DPYSL2: variants seen among roughly 807,000 people sequenced by gnomAD.
The protein encoded by DPYSL2 is dihydropyrimidinase-related protein 2.
Under a neutral mutation model 69.9 loss-of-function variants are expected in DPYSL2, and 13 were observed. The observed-to-expected ratio is 0.19, with a 90% confidence interval of 0.12 to 0.30. The LOEUF (loss-of-function observed/expected upper bound fraction) is 0.30, where lower values mean the gene tolerates loss of function less well. Ranked by LOEUF, DPYSL2 falls within the 10% of genes least tolerant of loss-of-function variation. DPYSL2 has a pLI of 1.00. For synonymous variants in DPYSL2, 326 were observed against 359.1 expected (o/e 0.91, Z 1.04); for missense variants, 587 against 918.9 (o/e 0.64, Z 4.67).
intron 1 of DPYSL2, chr8:26,577,767 T>G: frequency 1.0e-6 from 1 of 983,540 alleles, no homozygotes; most frequent in Non-Finnish European, 1.2e-6. Flanking sequence ...CCCCCGGCCG[T>G]TCACTGCCGC....
chr8:26,636,737 T>A (rs73567672), intron 8 of DPYSL2, among the ~76,000 whole-genome samples: 2,383 of 152,160 alleles, frequency 0.016, 37 homozygotes, highest in African/African-American at 0.037. Flanking sequence ...TTGTTTTTTT[T>A]AATTTATTTT....
intron 1 of DPYSL2, among the ~76,000 whole-genome samples, chr8:26,550,976 C>G (rs758652813): frequency 1.3e-5 from 2 of 152,206 alleles, no homozygotes; most frequent in African/African-American, 2.4e-5. Context: ...CCTCTGCCTT[C>G]CATCCAGGCC....
At chr8:26,603,753 T>C (rs1242981389) in intron 3 of DPYSL2, among the ~76,000 whole-genome samples, 1 of 152,238 alleles carries the variant, frequency 6.6e-6, no homozygotes, top group Non-Finnish European at 1.5e-5. Context: ...CATGTAAATA[T>C]ATATGCTTAT....
chr8:26,577,134 G>A (rs972810518), intron 1 of DPYSL2: 1 of 445,504 alleles, frequency 2.2e-6, no homozygotes, highest in Non-Finnish European at 4.5e-6. Flanking sequence ...CCGGCTCGGA[G>A]TTGGAAGGGT....
At chr8:26,522,014 A>G (rs761512342) in intron 1 of DPYSL2, among the ~76,000 whole-genome samples, 3 of 152,188 alleles carry the variant, frequency 2.0e-5, no homozygotes, top group African/African-American at 4.8e-5. Flanking sequence ...TTGTTTAAAC[A>G]TATGTTTTTA....
In DPYSL2 at chr8:26,545,240, T is replaced by A. The variant is rs1229311764; in HGVS notation, c.354+30561T>A. On this transcript the variant is annotated intron_variant, in intron 1 of 13. Transcript: ENST00000521913. ...TCTCAGGCACACACAAAACATTCTC[T>A]GGGATAGATCACATATTAGGCCACA... 2.6e-5 allele frequency among the ~76,000 whole-genome samples: 4 copies of A among 152,224 alleles called. 1 individual carries two copies. Among genetic ancestry groups the A allele is most frequent in the African/African-American group, 9.6e-5 (4 of 41,464 alleles).
rs921122822 is a variant in DPYSL2 at position 26,564,113 on chromosome 8, A to G, written c.355-17856A>G. ...ATTTGGAAGAAAAAAGGTAGAGGCA[A>G]TAATGTTAAGTATCACAATGAGCTC... On this transcript the variant is annotated intron_variant, in intron 1 of 13. Transcript: ENST00000521913. This position sits in a 1 kb window ranked among gnomAD's most constrained non-coding sequence, Gnocchi z 4.8. Among the ~76,000 whole-genome samples the G allele has an allele frequency of 3.3e-5, 5 of 152,256 alleles. No homozygotes were observed. Among genetic ancestry groups the G allele is most frequent in the African/African-American group, 9.6e-5 (4 of 41,464 alleles).
chr8:26,530,244 A>C lies in DPYSL2; in HGVS notation c.354+15565A>C, dbSNP rs1397306199. On this transcript the variant is annotated intron_variant, in intron 1 of 13. Coordinates refer to ENST00000521913, the MANE Select transcript of DPYSL2 (RefSeq NM_001197293.3). ...TTCAGTGACGTGACAGAATTAGCAA[A>C]GCAGGATTTCCAAGTAGGGTCAGTT... is the stretch of plus-strand genomic sequence containing the variant. Among the ~76,000 whole-genome samples the C allele has an allele frequency of 2.6e-5, 4 of 152,296 alleles. No homozygotes were observed. In the East Asian group the frequency reaches 7.7e-4, roughly 29 times the overall value.
rs925657043 is a variant in DPYSL2, at chr8:26,650,563, C to A, written c.1597-1694C>A. ...AAGCAATCTCCCCAGAGTCACACAA[C>A]TTCTGGATTTTACCGTATCTGAGAT... On this transcript the variant is annotated intron_variant, in intron 11 of 13. Coordinates refer to ENST00000521913, the MANE Select transcript of DPYSL2 (RefSeq NM_001197293.3). This position sits in a 1 kb window ranked among gnomAD's most constrained non-coding sequence, Gnocchi z 5.3. Among the ~76,000 whole-genome samples the A allele has an allele frequency of 6.6e-6, 1 of 152,196 alleles. No individual in the cohort carries two copies. Among genetic ancestry groups the A allele is most frequent in the Non-Finnish European group, 1.5e-5 (1 of 68,044 alleles).
chr8:26,623,137 G>A (rs898855938), intron 3 of DPYSL2, among the ~76,000 whole-genome samples: 6 of 152,308 alleles, frequency 3.9e-5, no homozygotes, highest in South Asian at 2.1e-4. Flanking sequence ...ATAATAGCAG[G>A]TGCAAAGTCC....
chr8:26,603,830 GATA>G (rs1296240676), intron 3 of DPYSL2, among the ~76,000 whole-genome samples: 2 of 152,088 alleles, frequency 1.3e-5, no homozygotes, highest in African/African-American at 2.4e-5. Flanking sequence ...TTTTTTTATG[GATA>G]ATATTTCATC....
chr8:26,541,043 T>A (rs1004112044), intron 1 of DPYSL2, among the ~76,000 whole-genome samples: 1 of 152,102 alleles, frequency 6.6e-6, no homozygotes, highest in East Asian at 1.9e-4. Flanking sequence ...CATCATAAAG[T>A]CAAAAAATCT....
chr8:26,534,065 G>A (rs182465299), intron 1 of DPYSL2, among the ~76,000 whole-genome samples: 3 of 152,314 alleles, frequency 2.0e-5, no homozygotes, highest in Admixed American at 2.0e-4. Flanking sequence ...TAGGAACAGA[G>A]GAGTTCAATG....
At chr8:26,536,818 C>A (rs61160809) in intron 1 of DPYSL2, among the ~76,000 whole-genome samples, 2 of 152,104 alleles carry the variant, frequency 1.3e-5, no homozygotes, top group Non-Finnish European at 2.9e-5. Context: ...AAAAGAGAGA[C>A]ATTTGCAAAT....
intron 1 of DPYSL2, among the ~76,000 whole-genome samples, chr8:26,537,276 G>A (rs1016306192): frequency 1.3e-5 from 2 of 151,984 alleles, no homozygotes; most frequent in Admixed American, 1.3e-4. Context: ...GACCCTCCAC[G>A]TTCCTATTTA....
rs1034730431 is a variant in DPYSL2, at chr8:26,564,575, C to A, written c.355-17394C>A. Among the ~76,000 whole-genome samples the A allele has an allele frequency of 1.3e-5, 2 of 152,070 alleles. No homozygotes were observed. Among genetic ancestry groups the A allele is most frequent in the African/African-American group, 2.4e-5 (1 of 41,386 alleles). ...ACAAATCCTTATTCCATTTGTGATT[C>A]CTCATTCAGCACTGGGCTCTCCAGC... On this transcript the variant is annotated intron_variant, in intron 1 of 13. Transcript: ENST00000521913. The surrounding 1 kb of genome is among the most constrained non-coding windows in gnomAD (Gnocchi z 4.8).
intron 1 of DPYSL2, among the ~76,000 whole-genome samples, chr8:26,572,848 C>A (rs1192828549): frequency 6.6e-6 from 1 of 152,040 alleles, no homozygotes; most frequent in Non-Finnish European, 1.5e-5. Context: ...TGAGCTCAAA[C>A]CTTGAATGGA....
At chr8:26,634,428 C>CTTTTTTTT (rs55746168) in intron 7 of DPYSL2, among the ~76,000 whole-genome samples, 5 of 91,164 alleles carry the variant, frequency 5.5e-5, no homozygotes, top group African/African-American at 1.2e-4. Flanking sequence ...CCATGCCCAG[C>CTTTTTTTT]TTTTTTTTTT....
At chr8:26,575,853 T>C (rs1436556291) in intron 1 of DPYSL2, among the ~76,000 whole-genome samples, 2 of 152,198 alleles carry the variant, frequency 1.3e-5, no homozygotes, top group East Asian at 1.9e-4. Flanking sequence ...CCTTGCCAAG[T>C]AGTTTTTTTG....
Sources: allele counts gnomAD v4.1 joint callset (sites outside exome capture counted in the v4.1 genomes callset), GRCh38; gene constraint gnomAD v4.1.1; non-coding constraint Gnocchi (gnomAD v3.1); transcripts MANE v1.5; gene names NCBI Gene and HGNC (gene_info 2026-07-23, HGNC 2026-07-21).